The following FRMPD3 variants were observed in gnomAD, a reference collection of about 807,000 sequenced individuals.
FRMPD3 encodes FERM and PDZ domain-containing protein 3.
FRMPD3 carries 42 observed loss-of-function variants against 97.9 expected under a neutral mutation model. That is an observed-to-expected ratio of 0.43 (90% CI 0.34 to 0.55). The LOEUF is 0.55. Ranked by LOEUF, FRMPD3 falls within the 20% of genes least tolerant of loss-of-function variation. FRMPD3 has a pLI of 0.03. For synonymous variants in FRMPD3, 577 were observed against 581.1 expected (o/e 0.99, Z 0.10); for missense variants, 1,303 against 1,457.7 (o/e 0.89, Z 1.73).
At chrX:107,517,058 G>A (rs764459641) in intron 1 of FRMPD3, among the ~76,000 whole-genome samples, 2 of 111,841 alleles carry the variant, frequency 1.8e-5, no homozygotes, top group South Asian at 7.5e-4. Context: ...TTTGTATAAG[G>A]TGTAAGGAAG....
chrX:107,526,501 C>G, intron 1 of FRMPD3, 81 bp from the exon 2 acceptor site: 1 of 964,760 alleles, frequency 1.0e-6, no homozygotes, highest in South Asian at 2.6e-5. Context: ...GGCCAGAACC[C>G]TAACTGGCAT....
intron 1 of FRMPD3, among the ~76,000 whole-genome samples, chrX:107,467,901 T>C (rs1225931542): frequency 8.9e-6 from 1 of 111,878 alleles, no homozygotes; most frequent in Non-Finnish European, 1.9e-5. Flanking sequence ...CTTCAACATA[T>C]ATTGATGGCC....
At chrX:107,459,406 A>G (rs1003406796) in intron 1 of FRMPD3, among the ~76,000 whole-genome samples, 7 of 112,424 alleles carry the variant, frequency 6.2e-5, no homozygotes, top group Non-Finnish European at 1.3e-4. Flanking sequence ...CAGCACTTTG[A>G]TGCCAGCTGG....
At chrX:107,465,485 A>G (rs982769543) in intron 1 of FRMPD3, among the ~76,000 whole-genome samples, 1 of 111,286 alleles carries the variant, frequency 9.0e-6, no homozygotes, top group Non-Finnish European at 1.9e-5. Context: ...AGAAAAAGAA[A>G]AAAGAAATAG....
chrX:107,543,659 T>C (rs1319323284), intron 4 of FRMPD3, among the ~76,000 whole-genome samples: 2 of 108,860 alleles, frequency 1.8e-5, no homozygotes, highest in African/African-American at 6.7e-5. Flanking sequence ...CTACCAAAAA[T>C]ACAAAAATTA....
At chrX:107,482,167 G>A (rs1921390682) in intron 1 of FRMPD3, among the ~76,000 whole-genome samples, 1 of 110,870 alleles carries the variant, frequency 9.0e-6, no homozygotes, top group Non-Finnish European at 1.9e-5. Flanking sequence ...CCCAGTCTTG[G>A]AAAAGGCTTT....
intron 4 of FRMPD3, among the ~76,000 whole-genome samples, chrX:107,542,522 A>C (rs1345471403): frequency 9.0e-6 from 1 of 111,589 alleles, no homozygotes; most frequent in East Asian, 2.8e-4. Flanking sequence ...TCCTCCCAGC[A>C]TTTCTACTAT....
rs1921021561 is a variant in FRMPD3 at position 107,470,278 on chromosome X, G to A, written c.-8+20273G>A. Among the ~76,000 whole-genome samples, 3 of 112,349 alleles carry A rather than the reference G, an allele frequency of 2.7e-5. No individual in the cohort carries two copies. The South Asian group carries it at 1.1e-3, about 42-fold the overall frequency. On this transcript the variant is annotated intron_variant, in intron 1 of 14. Coordinates refer to ENST00000683843, the MANE Select transcript of FRMPD3 (RefSeq NM_001388459.1). ...GGTTATGACTTAGTTGGGTGGTTCT[G>A]GCTCAGGGTCACTCATGAGGTTGCA...
At chrX:107,450,601 C>CAG (rs112135759) in intron 1 of FRMPD3, among the ~76,000 whole-genome samples, 57 of 93,390 alleles carry the variant, frequency 6.1e-4, no homozygotes, top group Middle Eastern at 5.8e-3. Flanking sequence ...CACACACACA[C>CAG]AGAGAGAGAG....
intron 13 of FRMPD3, among the ~76,000 whole-genome samples, chrX:107,578,908 A>C (rs1485938268): frequency 9.0e-6 from 1 of 111,209 alleles, no homozygotes; most frequent in African/African-American, 3.3e-5. Context: ...ATTTTGTCTC[A>C]TGGCCGCTAA....
chrX:107,536,343 G>A (rs994557416), intron 4 of FRMPD3, among the ~76,000 whole-genome samples: 3 of 111,126 alleles, frequency 2.7e-5, no homozygotes, highest in East Asian at 2.8e-4. Context: ...GCAATAGAGC[G>A]AGGCCACTTC....
intron 11 of FRMPD3, among the ~76,000 whole-genome samples, chrX:107,563,655 A>T (rs1922478025): frequency 8.9e-6 from 1 of 111,742 alleles, no homozygotes; most frequent in South Asian, 3.7e-4. Context: ...GCCTCTTCTG[A>T]TTTTTTTTCC....
At chrX:107,576,562 C>A in intron 13 of FRMPD3, 103 bp downstream of exon 13, 1 of 947,637 alleles carries the variant, frequency 1.1e-6, no homozygotes, top group East Asian at 3.1e-5. Flanking sequence ...CCCGTGCCAA[C>A]AGTGCCTGAT....
At chrX:107,572,644 A>G (rs771392202) in intron 12 of FRMPD3, among the ~76,000 whole-genome samples, 1 of 110,661 alleles carries the variant, frequency 9.0e-6, no homozygotes, top group Non-Finnish European at 1.9e-5. Context: ...AGGCTGAGAC[A>G]GGAGAATCGC....
At position 107,518,553 on chromosome X, in the gene FRMPD3, A is replaced by T. The variant is rs748569542; in HGVS notation, c.-7-8029A>T. Reference sequence around the variant, plus strand: ...ACATACCCATTAGGAAGGCTATTATAAAAAAAAATGAAAAACACAGAAAAT... The same window carrying T: ...ACATACCCATTAGGAAGGCTATTATTAAAAAAAATGAAAAACACAGAAAAT... On this transcript the variant is annotated intron_variant, in intron 1 of 14. Transcript: ENST00000683843. Among the ~76,000 whole-genome samples, 6 of 110,489 alleles carry T rather than the reference A, an allele frequency of 5.4e-5. No homozygotes were observed. The East Asian group carries it at 1.1e-3, about 21-fold the overall frequency.
chrX:107,552,064 G>A (rs962214189), intron 6 of FRMPD3, among the ~76,000 whole-genome samples: 2 of 111,855 alleles, frequency 1.8e-5, no homozygotes, highest in East Asian at 2.8e-4. Flanking sequence ...CAAATCAGTG[G>A]CAGAAGTCTC....
In FRMPD3 at chrX:107,600,913, C is replaced by T. The variant is rs752021716; in HGVS notation, c.2874C>T (p.Ala958=). 48 of 1,207,684 alleles carry T rather than the reference C, an allele frequency of 4.0e-5. No homozygotes were observed. Among genetic ancestry groups the T allele is most frequent in the Middle Eastern group, 4.6e-4 (2 of 4,346 alleles). The part of the protein sequence containing the change: ...KSSVTPAIIS[A]ALQQVVHNKS... ...GTGTGACCCCTGCCATCATCTCGGCCGCCCTACAGCAAGTGGTTCACAATA... is the reference window on the plus strand; with the variant it reads ...GTGTGACCCCTGCCATCATCTCGGCTGCCCTACAGCAAGTGGTTCACAATA... The change falls in exon 15 of 15, where the codon GCC becomes GCT. Residue 958 remains alanine, a synonymous_variant. Transcript: ENST00000683843.
At position 107,525,863 on chromosome X, in the gene FRMPD3, G is replaced by T. The variant is rs763873582; in HGVS notation, c.-7-719G>T. ...GGCTGAGGTGAGAGGATCACTTGAG[G>T]CCAGGAGTTCGAGACCAGCCTGGCC... On this transcript the variant is annotated intron_variant, in intron 1 of 14. Coordinates refer to ENST00000683843, the MANE Select transcript of FRMPD3 (RefSeq NM_001388459.1). 2.7e-5 allele frequency among the ~76,000 whole-genome samples: 3 copies of T among 111,356 alleles called. No individual in the cohort carries two copies. In the South Asian group the frequency reaches 1.1e-3, roughly 43 times the overall value.
chrX:107,514,571 G>A (rs914581082), intron 1 of FRMPD3, among the ~76,000 whole-genome samples: 4 of 105,998 alleles, frequency 3.8e-5, no homozygotes, highest in African/African-American at 1.4e-4. Flanking sequence ...TGTCACCCAG[G>A]CTGGAGTGCA....
Sources: allele counts gnomAD v4.1 joint callset (sites outside exome capture counted in the v4.1 genomes callset), GRCh38; gene constraint gnomAD v4.1.1; transcripts MANE v1.5; gene names NCBI Gene and HGNC (gene_info 2026-07-23, HGNC 2026-07-21).